The following SPIN1 variants were observed in gnomAD, a reference collection of about 807,000 sequenced individuals.
The protein encoded by SPIN1 is spindlin-1.
Under a neutral mutation model 26.0 loss-of-function variants are expected in SPIN1, and 3 were observed. The observed-to-expected ratio is 0.12, with a 90% CI of 0.05 to 0.30. SPIN1 has a LOEUF of 0.30. SPIN1 is among the 10% of genes least tolerant of loss of function. The pLI is 1.00. For synonymous variants in SPIN1, 101 were observed against 116.5 expected (o/e 0.87, Z 0.86); for missense variants, 126 against 333.4 (o/e 0.38, Z 4.84).
chr9:88,465,619 C>T (rs1338230445), intron 4 of SPIN1, among the ~76,000 whole-genome samples: 2 of 152,120 alleles, frequency 1.3e-5, no homozygotes, highest in Non-Finnish European at 2.9e-5. Context: ...TACTCACATC[C>T]TTTGACCATT....
chr9:88,441,423 G>GCA (rs1329734813), intron 2 of SPIN1, among the ~76,000 whole-genome samples: 1 of 149,180 alleles, frequency 6.7e-6, no homozygotes, highest in Non-Finnish European at 1.5e-5. Flanking sequence ...GTGCGCGCGC[G>GCA]CGCGCCCATG....
At chr9:88,474,184 C>T (rs1828846005) in intron 5 of SPIN1, among the ~76,000 whole-genome samples, 1 of 152,196 alleles carries the variant, frequency 6.6e-6, no homozygotes, top group African/African-American at 2.4e-5. Context: ...GGTTGCCCTA[C>T]CTGAAGGCCA....
Position 88,425,892 on chromosome 9 carries a change from C to T in SPIN1, c.-158-490C>T, listed in dbSNP as rs975077890. Among the ~76,000 whole-genome samples the T allele has an allele frequency of 4.3e-4, 66 of 152,110 alleles. 1 individual carries two copies. The highest frequency in any genetic ancestry group is 1.5e-5 in the Non-Finnish European group (1 of 68,034). On this transcript the variant is annotated intron_variant, in intron 1 of 5. Coordinates refer to ENST00000375859, the MANE Select transcript of SPIN1 (RefSeq NM_006717.3). ...ATCTTCAGCCTTGCTGTTACTCTGT[C>T]TTGAACATGATTTCCTGTGCTGCCC...
intron 1 of SPIN1, among the ~76,000 whole-genome samples, chr9:88,397,210 C>T (rs1422352576): frequency 2.6e-5 from 4 of 152,052 alleles, no homozygotes; most frequent in East Asian, 1.9e-4. Flanking sequence ...TTTTTTTAAA[C>T]TTTCTGTCTT....
intron 1 of SPIN1, among the ~76,000 whole-genome samples, chr9:88,390,079 A>G (rs1033570556): frequency 1.3e-5 from 2 of 152,202 alleles, no homozygotes; most frequent in African/African-American, 4.8e-5. Flanking sequence ...ATTCTTAGGA[A>G]AAATAGTTTC....
At chr9:88,427,278 C>T (rs1827781316) in intron 2 of SPIN1, among the ~76,000 whole-genome samples, 1 of 152,158 alleles carries the variant, frequency 6.6e-6, no homozygotes, top group East Asian at 1.9e-4. Context: ...ATTAATAGTA[C>T]AAACTTAAGT....
intron 3 of SPIN1, among the ~76,000 whole-genome samples, chr9:88,450,525 C>T (rs2118140099): frequency 6.6e-6 from 1 of 152,316 alleles, no homozygotes; most frequent in East Asian, 1.9e-4. Flanking sequence ...CCATCTGCCT[C>T]ATCCTAATAA....
intron 2 of SPIN1, among the ~76,000 whole-genome samples, chr9:88,442,992 C>T (rs919758874): frequency 8.6e-5 from 13 of 151,866 alleles, no homozygotes; most frequent in Non-Finnish European, 8.8e-5. Flanking sequence ...TGGTGGCACA[C>T]GCCTGTAGTC....
chr9:88,393,154 AG>A (rs1420460803), intron 1 of SPIN1, among the ~76,000 whole-genome samples: 2 of 142,256 alleles, frequency 1.4e-5, no homozygotes, highest in African/African-American at 2.6e-5. Flanking sequence ...TTTTTCCTGA[AG>A]GGAGGGGAGG....
chr9:88,451,361 G>A (rs1359296073), intron 3 of SPIN1, among the ~76,000 whole-genome samples: 2 of 152,146 alleles, frequency 1.3e-5, no homozygotes, highest in Admixed American at 1.3e-4. Flanking sequence ...AAGGTTCAAG[G>A]AGTCTGGTGT....
chr9:88,457,484 T>G (rs556696982), intron 3 of SPIN1, among the ~76,000 whole-genome samples: 18 of 152,040 alleles, frequency 1.2e-4, no homozygotes, highest in Non-Finnish European at 2.4e-4. Flanking sequence ...GAGCTGAGAT[T>G]GCACCACTAT....
At chr9:88,396,324 C>T (rs573958738) in intron 1 of SPIN1, among the ~76,000 whole-genome samples, 6 of 151,856 alleles carry the variant, frequency 4.0e-5, no homozygotes, top group Admixed American at 2.6e-4. Context: ...CAGGTGGGTG[C>T]GGTGGCTCAC....
intron 4 of SPIN1, among the ~76,000 whole-genome samples, chr9:88,467,242 G>C (rs1828687296): frequency 6.6e-6 from 1 of 152,074 alleles, no homozygotes; most frequent in African/African-American, 2.4e-5. Flanking sequence ...TATCATTTCA[G>C]AGACCTGAGC....
intron 2 of SPIN1, among the ~76,000 whole-genome samples, chr9:88,443,236 C>G (rs985227751): frequency 6.6e-6 from 1 of 151,918 alleles, no homozygotes; most frequent in Admixed American, 6.6e-5. Flanking sequence ...GTACTTGTCC[C>G]ATAGTTCTTG....
intron 2 of SPIN1, among the ~76,000 whole-genome samples, chr9:88,429,026 A>C (rs1439700463): frequency 6.6e-6 from 1 of 152,090 alleles, no homozygotes; most frequent in Non-Finnish European, 1.5e-5. Flanking sequence ...GGTGTGTGCC[A>C]TCAAGCCTGG....
chr9:88,423,730 T>TA lies in SPIN1; in HGVS notation c.-158-2652_-158-2651insA, dbSNP rs199777098. Among the ~76,000 whole-genome samples the TA allele has an allele frequency of 9.8e-3, 1,478 of 151,168 alleles. 25 individuals carry two copies. The highest frequency in any genetic ancestry group is 0.034 in the African/African-American group (1,407 of 40,806). ...TGTGCCCAGCCTACATCATGTATTT[T>TA]TTTTTTTTTTTTAATAAAAAGCTCT... On this transcript the variant is annotated intron_variant, in intron 1 of 5. Transcript: ENST00000375859.
At chr9:88,443,370 CT>C (rs1828179993) in intron 2 of SPIN1, among the ~76,000 whole-genome samples, 1 of 152,168 alleles carries the variant, frequency 6.6e-6, no homozygotes, top group South Asian at 2.1e-4. Context: ...GAAAGGCACT[CT>C]TTGCTTCTGT....
chr9:88,447,702 T>C (rs1387941001), intron 2 of SPIN1, among the ~76,000 whole-genome samples: 2 of 152,184 alleles, frequency 1.3e-5, no homozygotes, highest in Non-Finnish European at 2.9e-5. Context: ...CCCTTCTGAG[T>C]AGATCCCTTC....
chr9:88,444,508 G>T (rs1387041262), intron 2 of SPIN1, among the ~76,000 whole-genome samples: 1 of 151,922 alleles, frequency 6.6e-6, no homozygotes, highest in Non-Finnish European at 1.5e-5. Flanking sequence ...CTCCCAAAGT[G>T]CTGGGATCAC....
Sources: allele counts gnomAD v4.1 joint callset (sites outside exome capture counted in the v4.1 genomes callset), GRCh38; gene constraint gnomAD v4.1.1; transcripts MANE v1.5; gene names NCBI Gene and HGNC (gene_info 2026-07-23, HGNC 2026-07-21).